APLF: variants seen among roughly 807,000 people sequenced by gnomAD.
APLF encodes aprataxin and PNK-like factor.
Under a neutral mutation model 55.6 loss-of-function variants are expected in APLF, and 61 were observed. That is an observed-to-expected ratio of 1.10 (90% confidence interval 0.89 to 1.36). The LOEUF is 1.36. Among genes scored for constraint, APLF ranks in the 40% most tolerant of loss-of-function variants. The pLI, the probability that APLF is intolerant of heterozygous loss-of-function variation, is 0.00. For missense variants in APLF, 611 were observed against 602.5 expected, an observed-to-expected ratio of 1.01 and a Z score of -0.15; for synonymous variants, 207 against 214.8, an observed-to-expected ratio of 0.96 and a Z score of 0.32.
intron 8 of APLF, among the ~76,000 whole-genome samples, chr2:68,561,547 C>T (rs960404536): frequency 6.6e-6 from 1 of 152,090 alleles, no homozygotes; most frequent in African/African-American, 2.4e-5. Flanking sequence ...CAGTCTGTAT[C>T]TCAGGAATCT....
chr2:68,498,919 G>A (rs1323587629), intron 2 of APLF, among the ~76,000 whole-genome samples: 2 of 151,746 alleles, frequency 1.3e-5, no homozygotes, highest in Admixed American at 6.6e-5. Flanking sequence ...CAAAGTTCCC[G>A]AATTGAGATT....
chr2:68,484,031 G>A (rs551260747), intron 1 of APLF, among the ~76,000 whole-genome samples: 4 of 152,082 alleles, frequency 2.6e-5, no homozygotes, highest in East Asian at 3.9e-4. Context: ...TGTTTCTTTC[G>A]TTTTTAGAAT....
At chr2:68,562,466 GAC>G (rs1015882120) in intron 8 of APLF, among the ~76,000 whole-genome samples, 1 of 151,958 alleles carries the variant, frequency 6.6e-6, no homozygotes, top group African/African-American at 2.4e-5. Flanking sequence ...CCGCTGATTT[GAC>G]AGATGATAGA....
chr2:68,467,631 T>A lies in APLF; in HGVS notation c.-101T>A. On this transcript the variant is annotated 5_prime_UTR_variant, in exon 1 of 10. Coordinates refer to ENST00000303795, the MANE Select transcript of APLF (RefSeq NM_173545.3). ...GGGAGCCTTTGAGGCCCTCCCTCGG[T>A]GTTTTTTCCCAGGGCGTGGGCTTGC... is the stretch of plus-strand genomic sequence containing the variant. The A allele has an allele frequency of 1.0e-6, 1 of 984,732 alleles. No individual in the cohort carries two copies. Among genetic ancestry groups the A allele is most frequent in the Middle Eastern group, 2.3e-4 (1 of 4,354 alleles). 61.0% of individuals were successfully genotyped at this position (984,732 alleles called of 1,614,324 possible).
intron 9 of APLF, among the ~76,000 whole-genome samples, chr2:68,575,483 T>C (rs1180704262): frequency 6.6e-6 from 1 of 152,188 alleles, no homozygotes; most frequent in African/African-American, 2.4e-5. Context: ...TTTTCTGACT[T>C]TTTTTTGTGA....
intron 6 of APLF, among the ~76,000 whole-genome samples, chr2:68,530,621 A>G (rs1156671316): frequency 3.3e-5 from 5 of 152,236 alleles, no homozygotes; most frequent in Non-Finnish European, 5.9e-5. Flanking sequence ...TTACAAGTTC[A>G]TAGTAGATCA....
chr2:68,502,978 G>A (rs74423526), intron 3 of APLF, 75 bp downstream of exon 3: 12 of 1,473,562 alleles, frequency 8.1e-6, no homozygotes, highest in Non-Finnish European at 1.0e-5. Context: ...TCCTTCGGTA[G>A]GAACCAGTAG....
chr2:68,546,310 TG>T (rs1278854810), intron 8 of APLF, among the ~76,000 whole-genome samples: 1 of 152,056 alleles, frequency 6.6e-6, no homozygotes, highest in East Asian at 1.9e-4. Flanking sequence ...TAGATCTGTT[TG>T]GTTTTAATGG....
intron 4 of APLF, 152 bp downstream of exon 4, chr2:68,513,379 T>C: frequency 8.0e-7 from 1 of 1,248,588 alleles, no homozygotes; most frequent in Non-Finnish European, 1.1e-6. Flanking sequence ...AATATGGCAG[T>C]AATCCAACAG....
At chr2:68,481,367 G>GTT (rs1573153118) in intron 1 of APLF, among the ~76,000 whole-genome samples, 1 of 146,298 alleles carries the variant, frequency 6.8e-6, no homozygotes, top group Non-Finnish European at 1.5e-5. Flanking sequence ...TGGCAGTTTT[G>GTT]TTTTGTTTTG....
chr2:68,543,652 G>C (rs1670620222), intron 7 of APLF, among the ~76,000 whole-genome samples: 1 of 152,158 alleles, frequency 6.6e-6, no homozygotes, highest in Non-Finnish European at 1.5e-5. Context: ...GCTCATTGCA[G>C]TATTACTTAT....
intron 5 of APLF, among the ~76,000 whole-genome samples, chr2:68,515,910 T>C (rs1219777811): frequency 6.6e-6 from 1 of 151,726 alleles, no homozygotes. Context: ...TTTTAAAAAA[T>C]TGTTTTGTTT....
intron 7 of APLF, among the ~76,000 whole-genome samples, chr2:68,541,415 T>TA (rs1406309314): frequency 6.6e-6 from 1 of 151,242 alleles, no homozygotes; most frequent in Non-Finnish European, 1.5e-5. Flanking sequence ...GTATCAAAAA[T>TA]AAATAACTAG....
chr2:68,565,859 A>G (rs1006422546), intron 8 of APLF, among the ~76,000 whole-genome samples: 1 of 152,202 alleles, frequency 6.6e-6, no homozygotes, highest in South Asian at 2.1e-4. Context: ...ATTATTTCAG[A>G]GATATTTTAA....
intron 5 of APLF, among the ~76,000 whole-genome samples, chr2:68,523,228 T>C (rs946918066): frequency 1.3e-5 from 2 of 152,018 alleles, no homozygotes; most frequent in Non-Finnish European, 2.9e-5. Flanking sequence ...ACGACTTTAC[T>C]ATCAGGTAAA....
chr2:68,504,827 A>G (rs1015305558), intron 3 of APLF, among the ~76,000 whole-genome samples: 2 of 152,098 alleles, frequency 1.3e-5, no homozygotes, highest in African/African-American at 4.8e-5. Context: ...TTACATTTAT[A>G]TTAAGTTCTG....
chr2:68,521,814 TTGTAC>T (rs1376792312), intron 5 of APLF, among the ~76,000 whole-genome samples: 3 of 152,000 alleles, frequency 2.0e-5, no homozygotes, highest in African/African-American at 7.2e-5. Flanking sequence ...GCATTTAATT[TTGTAC>T]TGTGAATATT....
chr2:68,561,710 G>A (rs1359570262), intron 8 of APLF, among the ~76,000 whole-genome samples: 1 of 152,020 alleles, frequency 6.6e-6, no homozygotes, highest in East Asian at 1.9e-4. Context: ...AACTTTATAG[G>A]TGTGAGTGCA....
intron 7 of APLF, among the ~76,000 whole-genome samples, chr2:68,538,839 C>G (rs576387908): frequency 2.0e-5 from 3 of 152,026 alleles, no homozygotes; most frequent in Admixed American, 6.6e-5. Context: ...AATTACATAA[C>G]CCTATTTCAG....
Sources: gnomAD v4.1 joint callset for allele counts (sites outside exome capture counted in the v4.1 genomes callset) on GRCh38, gnomAD v4.1.1 for gene constraint, MANE v1.5 for transcripts, NCBI Gene and HGNC (gene_info 2026-07-23, HGNC 2026-07-21) for gene names.